Variants in ABAT observed in about 807,000 individuals in gnomAD.
ABAT encodes 4-aminobutyrate aminotransferase.
In ABAT, 45 loss-of-function variants were observed where a neutral mutation model predicts 64.6. The observed-to-expected ratio is 0.70, with a 90% CI of 0.55 to 0.89. The LOEUF is 0.89. Among genes scored for constraint, ABAT ranks in the 40% least tolerant of loss-of-function variants. The pLI is 0.00. For missense variants in ABAT, 633 were observed against 658.4 expected (o/e 0.96, Z 0.42); for synonymous variants, 297 against 250.5 (o/e 1.19, Z -1.75).
chr16:8,749,383 G>T (rs570990311), intron 4 of ABAT, among the ~76,000 whole-genome samples: 1 of 73,174 alleles, frequency 1.4e-5, no homozygotes, highest in Admixed American at 1.8e-4. Flanking sequence ...CACCGCACCC[G>T]GCCTTTTTTT....
In ABAT at chr16:8,735,713, A is replaced by C. The variant is rs761451655; in HGVS notation, c.-27A>C. ...GTTTCTTTCAGGGTGGCAGCACGCA[A>C]AGGGTGTCCCTGTCCCTCAAGGGGT... On this transcript the variant is annotated 5_prime_UTR_variant, in exon 2 of 16. Transcript: ENST00000268251. 6.3e-7 allele frequency: 1 copy of C among 1,580,360 alleles called. No homozygotes were observed. The highest frequency in any genetic ancestry group is 8.6e-7 in the Non-Finnish European group (1 of 1,162,338).
intron 1 of ABAT, chr16:8,721,034 A>G (rs935715427): frequency 2.6e-5 from 4 of 152,236 alleles, no homozygotes; most frequent in African/African-American, 7.2e-5. Context: ...GGGAAACAGT[A>G]AGGACTTCTG....
At chr16:8,731,920 C>G (rs1040124915) in intron 1 of ABAT, among the ~76,000 whole-genome samples, 1 of 152,108 alleles carries the variant, frequency 6.6e-6, no homozygotes, top group African/African-American at 2.4e-5. Flanking sequence ...GTGGTGCGAT[C>G]TCAGCTCACT....
intron 1 of ABAT, among the ~76,000 whole-genome samples, chr16:8,707,042 G>A (rs59049396): frequency 6.6e-6 from 1 of 152,042 alleles, no homozygotes; most frequent in African/African-American, 2.4e-5. Flanking sequence ...GGCAGAGGTG[G>A]GTTAGGCAAG....
chr16:8,759,960 C>T (rs867815626), intron 6 of ABAT, among the ~76,000 whole-genome samples: 6 of 152,178 alleles, frequency 3.9e-5, no homozygotes, highest in South Asian at 2.1e-4. Context: ...TGTGTGTAAT[C>T]GCAGACTGTG....
At chr16:8,709,621 G>A (rs772859885) in intron 1 of ABAT, among the ~76,000 whole-genome samples, 18 of 152,114 alleles carry the variant, frequency 1.2e-4, no homozygotes, top group Non-Finnish European at 2.6e-4. Flanking sequence ...TGATCCACCC[G>A]CCTTGGCTTC....
chr16:8,699,894 A>T (rs2057782088), intron 1 of ABAT, among the ~76,000 whole-genome samples: 4 of 152,038 alleles, frequency 2.6e-5, no homozygotes, highest in African/African-American at 9.7e-5. Flanking sequence ...GCTGACTGCA[A>T]CCTCGACCTC....
At chr16:8,746,947 G>C (rs1005019113) in intron 3 of ABAT, among the ~76,000 whole-genome samples, 16 of 152,166 alleles carry the variant, frequency 1.1e-4, no homozygotes, top group Admixed American at 1.0e-3. Flanking sequence ...GTTGATCTAG[G>C]TTAGGCGTGG....
chr16:8,676,299 G>C (rs747121269), intron 1 of ABAT, among the ~76,000 whole-genome samples: 1 of 152,112 alleles, frequency 6.6e-6, no homozygotes. Context: ...GGCACAAAAG[G>C]GGAAGAGACT....
At chr16:8,696,315 G>T (rs188307397) in intron 1 of ABAT, among the ~76,000 whole-genome samples, 1 of 152,058 alleles carries the variant, frequency 6.6e-6, no homozygotes, top group East Asian at 1.9e-4. Context: ...ACCTCTGGTC[G>T]GGAACTCTCA....
rs138112836 is a variant in ABAT, at chr16:8,750,698, G to A, written c.316+159G>A. On this transcript the variant is annotated intron_variant, in intron 5 of 15. Coordinates refer to ENST00000268251, the MANE Select transcript of ABAT (RefSeq NM_020686.6). ...GAAAAAAATAAATAATGTGTAAAGG[G>A]TATATTATTAGACATATTATATGTC... 3.6e-4 allele frequency among the ~76,000 whole-genome samples: 55 copies of A among 152,208 alleles called. 1 individual carries two copies. The East Asian group carries it at 9.8e-3, about 27-fold the overall frequency.
rs190836163 is a variant in ABAT at position 8,680,319 on chromosome 16, C to T, written c.-42+5608C>T. On this transcript the variant is annotated intron_variant, in intron 1 of 15. Transcript: ENST00000268251. ...TAAATGCATAGCACACTTCCCTATG[C>T]ACACAGTAGATATTCAAGGAGCATT... is the stretch of plus-strand genomic sequence containing the variant. Among the ~76,000 whole-genome samples the T allele has an allele frequency of 1.4e-4, 22 of 152,328 alleles. No homozygotes were observed. In the East Asian group the frequency reaches 3.5e-3, roughly 24 times the overall value.
At chr16:8,679,301 G>A (rs1436999720) in intron 1 of ABAT, among the ~76,000 whole-genome samples, 1 of 152,126 alleles carries the variant, frequency 6.6e-6, no homozygotes, top group Non-Finnish European at 1.5e-5. Context: ...GATAGTTACG[G>A]GGCCAAGAGA....
chr16:8,735,566 CA>C, intron 1 of ABAT, 132 bp from the exon 2 acceptor site: 1 of 789,252 alleles, frequency 1.3e-6, no homozygotes, highest in Admixed American at 2.1e-5. Context: ...AGTCCATGTT[CA>C]GTATAAAACC....
At chr16:8,684,744 G>C (rs2057414641) in intron 1 of ABAT, among the ~76,000 whole-genome samples, 1 of 149,618 alleles carries the variant, frequency 6.7e-6, no homozygotes, top group Admixed American at 6.7e-5. Context: ...AAAAAAGGTG[G>C]AGGGTAAAAT....
chr16:8,696,024 C>T lies in ABAT; in HGVS notation c.-42+21313C>T, dbSNP rs114249044. Reference sequence around the variant, plus strand: ...GGCGTCCAGCCTCCAGAGTGGATCCCGCTCCAAGGCAAGGAGCTTTCTTAG... The same window carrying T: ...GGCGTCCAGCCTCCAGAGTGGATCCTGCTCCAAGGCAAGGAGCTTTCTTAG... On this transcript the variant is annotated intron_variant, in intron 1 of 15. Coordinates refer to ENST00000268251, the MANE Select transcript of ABAT (RefSeq NM_020686.6). 7.7e-3 allele frequency among the ~76,000 whole-genome samples: 1,169 copies of T among 152,328 alleles called. 16 individuals are homozygous for T. The highest frequency in any genetic ancestry group is 0.027 in the African/African-American group (1,110 of 41,562).
chr16:8,775,523 C>G (rs190633476), intron 13 of ABAT, among the ~76,000 whole-genome samples: 172 of 151,606 alleles, frequency 1.1e-3, no homozygotes, highest in Non-Finnish European at 2.1e-3. Context: ...AGCCCATACT[C>G]TTACCCACTA....
intron 1 of ABAT, chr16:8,715,092 C>T (rs1161977597): frequency 6.6e-6 from 1 of 152,250 alleles, no homozygotes; most frequent in African/African-American, 2.4e-5. Context: ...CATCACATGT[C>T]CAACCGACCT....
At chr16:8,693,812 C>T (rs987240150) in intron 1 of ABAT, among the ~76,000 whole-genome samples, 3 of 152,050 alleles carry the variant, frequency 2.0e-5, no homozygotes, top group African/African-American at 7.2e-5. Flanking sequence ...TATTTTGTTT[C>T]ACTTTGCCCA....
Sources: allele counts gnomAD v4.1 joint callset (sites outside exome capture counted in the v4.1 genomes callset), GRCh38; gene constraint gnomAD v4.1.1; transcripts MANE v1.5; gene names NCBI Gene and HGNC (gene_info 2026-07-23, HGNC 2026-07-21).